DOCK8: variants seen among roughly 807,000 people sequenced by gnomAD.
DOCK8 encodes dedicator of cytokinesis protein 8.
DOCK8 carries 141 observed loss-of-function variants against 245.6 expected under a neutral mutation model. The observed-to-expected ratio is 0.57, with a 90% CI of 0.50 to 0.66. The LOEUF is 0.66. DOCK8 is among the 30% of genes least tolerant of loss of function. The probability of loss-of-function intolerance (pLI) is 0.00; values close to 1 mark genes in which losing one functional copy is unlikely to be tolerated. For synonymous variants in DOCK8, 1,168 were observed against 970.2 expected, an observed-to-expected ratio of 1.20 and a Z score of -3.79; for missense variants, 2,965 against 2,603.4, an observed-to-expected ratio of 1.14 and a Z score of -3.02.
At position 297,334 on chromosome 9, in the gene DOCK8, C is replaced by G. The variant is rs56186632; in HGVS notation, c.405-7247C>G. On this transcript the variant is annotated intron_variant, in intron 4 of 47. Coordinates refer to ENST00000432829, the MANE Select transcript of DOCK8 (RefSeq NM_203447.4). ...CGTCTGCACCCAGTTCCTTCTGACT[C>G]TAGAGCCTGGATTCTGCTGGCTGCA... Among the ~76,000 whole-genome samples, 648 of 152,296 alleles carry G rather than the reference C, an allele frequency of 4.3e-3. 5 individuals are homozygous for G. The highest frequency in any genetic ancestry group is 6.7e-3 in the Non-Finnish European group (459 of 68,018).
intron 5 of DOCK8, among the ~76,000 whole-genome samples, chr9:306,928 A>G (rs1161053554): frequency 6.6e-6 from 1 of 152,062 alleles, no homozygotes; most frequent in Non-Finnish European, 1.5e-5. Flanking sequence ...CAGAGGGAAA[A>G]ACCTCATGAA....
chr9:307,121 C>G (rs530979762), intron 5 of DOCK8, among the ~76,000 whole-genome samples: 1 of 152,040 alleles, frequency 6.6e-6, no homozygotes, highest in East Asian at 1.9e-4. Context: ...TTGAACCATC[C>G]GGTAACCCTG....
At chr9:372,846 G>A (rs1031913015) in intron 18 of DOCK8, among the ~76,000 whole-genome samples, 1 of 151,930 alleles carries the variant, frequency 6.6e-6, no homozygotes, top group Non-Finnish European at 1.5e-5. Context: ...CCTGGCCAAG[G>A]TGGCAAAACC....
intron 24 of DOCK8, 133 bp from the exon 25 acceptor site, chr9:396,652 G>C (rs1026002269): frequency 1.9e-4 from 236 of 1,257,790 alleles, no homozygotes; most frequent in Middle Eastern, 1.8e-3. Context: ...GCTTGCTCGG[G>C]CACCACCAGC....
In DOCK8 at chr9:339,040, A is replaced by C; in HGVS notation, c.1457A>C (p.Lys486Thr). The change falls in exon 13 of 48, where the codon AAG (lysine) becomes ACG (threonine). Residue 486 changes from lysine (K) to threonine (T), a missense_variant. Physicochemically the swap from Lys to Thr is moderately conservative, Grantham distance 78. Transcript: ENST00000432829. ...CGCCTTAGCGATGAAGACTTATTCA[A>C]GTTTTTAGCTGACTACAAAAGATCA... is the stretch of plus-strand genomic sequence containing the variant. ...GDRLSDEDLFKFLADYKRSSS... is the reference protein window; with the variant it reads ...GDRLSDEDLFTFLADYKRSSS... The C allele has an allele frequency of 6.2e-7, 1 of 1,614,156 alleles. No individual in the cohort carries two copies. Among genetic ancestry groups the C allele is most frequent in the Non-Finnish European group, 8.5e-7 (1 of 1,180,018 alleles).
At chr9:399,845 T>C (rs1295638028) in intron 26 of DOCK8, among the ~76,000 whole-genome samples, 2 of 151,956 alleles carry the variant, frequency 1.3e-5, no homozygotes, top group African/African-American at 2.4e-5. Context: ...GTAATATAAA[T>C]AGCAGTTATT....
chr9:382,157 C>A (rs908121192), intron 21 of DOCK8, among the ~76,000 whole-genome samples: 7 of 152,084 alleles, frequency 4.6e-5, no homozygotes, highest in Non-Finnish European at 1.0e-4. Context: ...TAAATATTGA[C>A]AAATTAAAAA....
intron 4 of DOCK8, among the ~76,000 whole-genome samples, chr9:297,178 G>A (rs1002409372): frequency 2.0e-5 from 3 of 152,108 alleles, no homozygotes; most frequent in African/African-American, 4.8e-5. Flanking sequence ...TGAGGAACAC[G>A]TATTATTTTC....
intron 24 of DOCK8, among the ~76,000 whole-genome samples, chr9:390,922 G>A (rs998334124): frequency 6.6e-6 from 1 of 152,136 alleles, no homozygotes; most frequent in African/African-American, 2.4e-5. Flanking sequence ...AGAATGTCAC[G>A]CTCCTTTTAA....
intron 28 of DOCK8, among the ~76,000 whole-genome samples, chr9:408,428 A>C (rs1009155797): frequency 1.3e-5 from 2 of 152,172 alleles, no homozygotes; most frequent in African/African-American, 4.8e-5. Flanking sequence ...TGAGAACTTC[A>C]CTTTCCATGG....
intron 2 of DOCK8, chr9:284,477 C>G (rs990808288): frequency 6.6e-6 from 1 of 152,328 alleles, no homozygotes; most frequent in Middle Eastern, 3.4e-3. Context: ...ACCTGAAAAC[C>G]CCGGGAAACG....
chr9:268,722 G>A (rs1378379177), intron 1 of DOCK8, among the ~76,000 whole-genome samples: 1 of 152,206 alleles, frequency 6.6e-6, no homozygotes, highest in African/African-American at 2.4e-5. Flanking sequence ...AAAAAGGTCA[G>A]CTTGATCACA....
At chr9:286,755 C>A in intron 3 of DOCK8, 119 bp downstream of exon 3, 1 of 964,696 alleles carries the variant, frequency 1.0e-6, no homozygotes, top group African/African-American at 1.6e-5. Context: ...TCAATCCATT[C>A]AAATGTGTGG....
In DOCK8 at chr9:334,319, G is replaced by A. The variant is rs774744500; in HGVS notation, c.1220G>A (p.Ser407Asn). Residue 407 changes from serine to asparagine, a missense_variant, in exon 11 of 48, where the codon AGC becomes AAC. Ser to Asn is a conservative substitution (Grantham distance 46). This residue lies in a region of DOCK8 where 2,825 missense variants were observed against 2,453.5 expected (regional missense o/e 1.15). Coordinates refer to ENST00000432829, the MANE Select transcript of DOCK8 (RefSeq NM_203447.4). ...ATGCCCTTTGCCTGGGCACCCATAA[G>A]CTTATCAAGCTTCTTCAATGTCTCC... ...YRMPFAWAPI[S>N]LSSFFNVSTL... The A allele has an allele frequency of 1.7e-5, 27 of 1,614,058 alleles. No individual in the cohort carries two copies. The highest frequency in any genetic ancestry group is 2.0e-5 in the Non-Finnish European group (24 of 1,180,034).
At chr9:224,163 C>T (rs566331314) in intron 1 of DOCK8, among the ~76,000 whole-genome samples, 14 of 152,196 alleles carry the variant, frequency 9.2e-5, no homozygotes, top group Admixed American at 5.2e-4. Context: ...TAAAGAACAA[C>T]GGTTATTTAG....
intron 14 of DOCK8, among the ~76,000 whole-genome samples, chr9:352,697 G>C (rs546465810): frequency 1.4e-5 from 2 of 146,776 alleles, no homozygotes; most frequent in African/African-American, 5.3e-5. Flanking sequence ...AGCCAAGATC[G>C]CGCCACTGCA....
chr9:298,510 T>C (rs543591043), intron 4 of DOCK8, among the ~76,000 whole-genome samples: 2 of 152,210 alleles, frequency 1.3e-5, no homozygotes, highest in South Asian at 4.1e-4. Context: ...ATATTAAAGC[T>C]GGGGAAAATA....
chr9:416,325 T>C (rs1469886315), intron 29 of DOCK8, among the ~76,000 whole-genome samples: 3 of 152,240 alleles, frequency 2.0e-5, no homozygotes, highest in African/African-American at 4.8e-5. Context: ...GAATCCTTGA[T>C]GGCAAGTTTC....
At chr9:266,935 G>A (rs2048047083) in intron 1 of DOCK8, among the ~76,000 whole-genome samples, 7 of 152,158 alleles carry the variant, frequency 4.6e-5, no homozygotes, top group Admixed American at 4.6e-4. Flanking sequence ...AAATGTAGAG[G>A]AAAATAAAAC....
Sources: gnomAD v4.1 joint callset for allele counts (sites outside exome capture counted in the v4.1 genomes callset) on GRCh38, gnomAD v4.1.1 for gene constraint, gnomAD v4.1.1 regional missense constraint, MANE v1.5 for transcripts, NCBI Gene and HGNC (gene_info 2026-07-23, HGNC 2026-07-21) for gene names.